The following OXSR1 variants were observed in gnomAD, a reference collection of about 807,000 sequenced individuals.
OXSR1 encodes the protein serine/threonine-protein kinase OSR1.
A neutral mutation model predicts 79.8 loss-of-function variants in OXSR1; 24 were observed. The ratio of observed to expected loss-of-function variants is 0.30; its 90% CI spans 0.22 to 0.42. The LOEUF is 0.42. OXSR1 is among the 10% of genes least tolerant of loss of function. The pLI is 1.00. For missense variants in OXSR1, 430 were observed against 618.4 expected, an observed-to-expected ratio of 0.70 and a Z score of 3.23; for synonymous variants, 226 against 209.2, an observed-to-expected ratio of 1.08 and a Z score of -0.69.
chr3:38,224,769 A>G lies in OXSR1; in HGVS notation c.836+65A>G, dbSNP rs1575353607. 3.6e-6 allele frequency: 4 copies of G among 1,100,886 alleles called. No homozygotes were observed. The East Asian group carries it at 7.5e-5, about 21-fold the overall frequency. 68.2% of individuals were successfully genotyped at this position (1,100,886 alleles called of 1,614,324 possible). A position where few individuals can be genotyped will look rare whatever the true frequency, so the allele number is the denominator to read the frequency against. ...ACATTGTGAGAAGTCTAAGAATCAC[A>G]TACTCATATGTACAGGAAATTATTT... On this transcript the variant is annotated intron_variant, in intron 8 of 17. Transcript: ENST00000311806.
intron 10 of OXSR1, chr3:38,236,530 CT>C (rs1023244592): frequency 0.012 from 1,991 of 165,154 alleles, no homozygotes; most frequent in Middle Eastern, 0.036. Context: ...CCCAAAACCT[CT>C]TTTTTTTTTT....
At position 38,223,897 on chromosome 3, in the gene OXSR1, A is replaced by G; in HGVS notation, c.686A>G (p.Lys229Arg). Residue 229 changes from lysine to arginine, a missense_variant, in exon 7 of 18, where the codon AAA becomes AGA. Lys to Arg is a conservative substitution (Grantham distance 26). Around this residue, in one of 3 missense-constraint regions of OXSR1, gnomAD observed 276 missense variants for 354.2 expected, o/e 0.78. Transcript: ENST00000311806. ...ELATGAAPYHKYPPMKVLMLT... is the reference protein window; with the variant it reads ...ELATGAAPYHRYPPMKVLMLT... ...GCTACAGGGGCGGCTCCTTATCATA[A>G]ATATCCACCAATGAAGGTGAGGCTT... is the stretch of plus-strand genomic sequence containing the variant. 1 of 1,597,832 alleles carries G rather than the reference A, an allele frequency of 6.3e-7. No homozygotes were observed. The highest frequency in any genetic ancestry group is 1.1e-5 in the South Asian group (1 of 89,954).
rs78251492 is a variant in OXSR1 at position 38,237,119 on chromosome 3, G to C, written c.1074+158G>C. On this transcript the variant is annotated intron_variant, in intron 11 of 17. Coordinates refer to ENST00000311806, the MANE Select transcript of OXSR1 (RefSeq NM_005109.3). ...AATTCTGCATGGAAAGTTGGACTTA[G>C]ATATCTGTTTGAATATGATAATATT... Among the ~76,000 whole-genome samples the C allele has an allele frequency of 8.9e-3, 1,360 of 152,234 alleles. 22 individuals carry two copies. Among genetic ancestry groups the C allele is most frequent in the African/African-American group, 0.03 (1,263 of 41,548 alleles).
At position 38,165,960 on chromosome 3, in the gene OXSR1, C is replaced by G. The variant is rs750825010; in HGVS notation, c.70+14C>G. 6.2e-7 allele frequency: 1 copy of G among 1,607,202 alleles called. No individual in the cohort carries two copies. On this transcript the variant is annotated intron_variant, in intron 1 of 17. Transcript: ENST00000311806. Reference sequence around the variant, plus strand: ...AGGAGGTGATCGGTGAGAGCAGGCGCTGCGGAGGGGGGAGGCGCGGCGCTG... The same window carrying G: ...AGGAGGTGATCGGTGAGAGCAGGCGGTGCGGAGGGGGGAGGCGCGGCGCTG...
At chr3:38,204,223 C>T (rs2125823789) in intron 4 of OXSR1, among the ~76,000 whole-genome samples, 1 of 152,228 alleles carries the variant, frequency 6.6e-6, no homozygotes, top group Middle Eastern at 3.4e-3. Context: ...TAGGACTCTC[C>T]CTTCAGGGCA....
intron 1 of OXSR1, among the ~76,000 whole-genome samples, chr3:38,179,873 A>G (rs1031453962): frequency 6.6e-6 from 1 of 151,626 alleles, no homozygotes; most frequent in East Asian, 1.9e-4. Context: ...AAGTGGCGCA[A>G]TCTCAGCTCA....
intron 1 of OXSR1, among the ~76,000 whole-genome samples, chr3:38,176,641 A>G (rs554570944): frequency 6.6e-5 from 10 of 152,374 alleles, no homozygotes; most frequent in Non-Finnish European, 1.2e-4. Context: ...CTTTTTATCA[A>G]TGGGTGTGGG....
chr3:38,185,617 T>C (rs533528088), intron 2 of OXSR1, among the ~76,000 whole-genome samples: 14 of 150,848 alleles, frequency 9.3e-5, no homozygotes, highest in South Asian at 6.3e-4. Context: ...ACAAAACTTA[T>C]ATAATGCAAG....
chr3:38,167,176 G>A (rs546212079), intron 1 of OXSR1, among the ~76,000 whole-genome samples: 2 of 152,322 alleles, frequency 1.3e-5, no homozygotes, highest in East Asian at 1.9e-4. Flanking sequence ...GTGCCTTGAC[G>A]TGATCCGATA....
Position 38,254,487 on chromosome 3 carries a change from C to T in OXSR1, c.*1596C>T, listed in dbSNP as rs1703320760. 1 of 373,444 alleles carries T rather than the reference C, an allele frequency of 2.7e-6. No individual in the cohort carries two copies. The highest frequency in any genetic ancestry group is 2.1e-5 in the African/African-American group (1 of 48,128). 23.1% of individuals were successfully genotyped at this position (373,444 alleles called of 1,614,324 possible). On this transcript the variant is annotated 3_prime_UTR_variant, in exon 18 of 18. Coordinates refer to ENST00000311806, the MANE Select transcript of OXSR1 (RefSeq NM_005109.3). ...GAGGAGAGTAGGTGAGATGATCAGA[C>T]ACCGGAGTTCAACGTCCCAGCAGTC...
chr3:38,252,187 G>A (rs1703271678), intron 16 of OXSR1, 141 bp from the exon 17 acceptor site: 2 of 675,156 alleles, frequency 3.0e-6, no homozygotes, highest in Non-Finnish European at 5.4e-6. Context: ...CTTTCATTAG[G>A]GGAGTGATTA....
At chr3:38,193,041 T>C (rs1702011024) in intron 3 of OXSR1, among the ~76,000 whole-genome samples, 1 of 152,238 alleles carries the variant, frequency 6.6e-6, no homozygotes, top group South Asian at 2.1e-4. Context: ...AGCAATTGTA[T>C]GTCATTGGGA....
At chr3:38,224,782 C>T in intron 8 of OXSR1, 78 bp downstream of exon 8, 1 of 954,878 alleles carries the variant, frequency 1.0e-6, no homozygotes. Flanking sequence ...CTCATATGTA[C>T]AGGAAATTAT....
intron 2 of OXSR1, among the ~76,000 whole-genome samples, chr3:38,186,275 CTG>C (rs2125811345): frequency 6.6e-6 from 1 of 152,124 alleles, no homozygotes; most frequent in South Asian, 2.1e-4. Context: ...TTCATTAGAA[CTG>C]AGTTTTAGGA....
At chr3:38,178,622 T>A (rs6802221) in intron 1 of OXSR1, among the ~76,000 whole-genome samples, 11,793 of 67,934 alleles carry the variant, frequency 0.17, 344 homozygotes, top group African/African-American at 0.23. Flanking sequence ...ATATATATAT[T>A]TTTTTTTTTT....
intron 17 of OXSR1, 104 bp downstream of exon 17, chr3:38,252,496 G>A (rs1703278679): frequency 2.3e-6 from 2 of 859,118 alleles, no homozygotes; most frequent in South Asian, 2.7e-5. Flanking sequence ...ATTAAAATGT[G>A]GTGGATTGTG....
intron 12 of OXSR1, among the ~76,000 whole-genome samples, chr3:38,243,889 T>C (rs1381591050): frequency 6.6e-6 from 1 of 152,226 alleles, no homozygotes; most frequent in African/African-American, 2.4e-5. Context: ...ACATATGCCA[T>C]GTCAGTTACT....
intron 11 of OXSR1, among the ~76,000 whole-genome samples, chr3:38,239,482 A>G (rs369945429): frequency 1.3e-5 from 2 of 152,178 alleles, no homozygotes; most frequent in East Asian, 3.8e-4. Context: ...GCCTACAGCC[A>G]TTTATTCCCC....
chr3:38,246,386 T>A (rs1169695314), intron 13 of OXSR1, among the ~76,000 whole-genome samples, 165 bp downstream of exon 13: 15 of 152,174 alleles, frequency 9.9e-5, no homozygotes, highest in Admixed American at 8.5e-4. Context: ...GTAAGAGAAT[T>A]TTACAAGGAT....
Sources: gnomAD v4.1 joint callset for allele counts (sites outside exome capture counted in the v4.1 genomes callset) on GRCh38, gnomAD v4.1.1 for gene constraint, gnomAD v4.1.1 regional missense constraint, MANE v1.5 for transcripts, NCBI Gene and HGNC (gene_info 2026-07-23, HGNC 2026-07-21) for gene names.